Variants in CNTNAP4 observed in about 807,000 individuals in gnomAD.
The protein encoded by CNTNAP4 is contactin associated protein family member 4, also known as contactin-associated protein-like 4.
Under a neutral mutation model 148.4 loss-of-function variants are expected in CNTNAP4, and 98 were observed. The ratio of observed to expected loss-of-function variants is 0.66; its 90% CI spans 0.56 to 0.78. The LOEUF (loss-of-function observed/expected upper bound fraction) is 0.78. CNTNAP4 is among the 30% of genes least tolerant of loss of function. CNTNAP4 has a pLI of 0.00. For missense variants in CNTNAP4, 1,935 were observed against 1,565.6 expected (o/e 1.24, Z -3.98); for synonymous variants, 730 against 565.1 (o/e 1.29, Z -4.14).
At chr16:76,535,850 CT>C in intron 18 of CNTNAP4, 66 bp downstream of exon 18, 3 of 1,513,420 alleles carry the variant, frequency 2.0e-6, no homozygotes, top group Non-Finnish European at 2.7e-6. Context: ...TCTGGCAGTT[CT>C]TTTCTATGCA....
chr16:76,487,541 T>G (rs1017461813), intron 12 of CNTNAP4, among the ~76,000 whole-genome samples: 2 of 152,174 alleles, frequency 1.3e-5, no homozygotes, highest in African/African-American at 2.4e-5. Flanking sequence ...AGGCTCTAAT[T>G]TGAGACTTTT....
At chr16:76,446,920 C>T (rs1028070033) in intron 4 of CNTNAP4, among the ~76,000 whole-genome samples, 2 of 152,092 alleles carry the variant, frequency 1.3e-5, no homozygotes, top group Non-Finnish European at 2.9e-5. Flanking sequence ...CCAAGAACTC[C>T]ATTAAAAAAC....
At chr16:76,533,623 A>G (rs2084083751) in intron 17 of CNTNAP4, among the ~76,000 whole-genome samples, 1 of 152,148 alleles carries the variant, frequency 6.6e-6, no homozygotes, top group African/African-American at 2.4e-5. Flanking sequence ...AATTTTTACA[A>G]CAGAACAACA....
chr16:76,443,983 C>T (rs536882335), intron 4 of CNTNAP4, among the ~76,000 whole-genome samples: 17 of 152,078 alleles, frequency 1.1e-4, no homozygotes, highest in African/African-American at 4.1e-4. Flanking sequence ...ATTTTCAAAA[C>T]ATAAAAACAT....
At chr16:76,382,794 A>G (rs2016119265) in intron 3 of CNTNAP4, among the ~76,000 whole-genome samples, 1 of 152,170 alleles carries the variant, frequency 6.6e-6, no homozygotes, top group Admixed American at 6.5e-5. Flanking sequence ...TCCTTGCAGT[A>G]AAAGACTGGA....
chr16:76,433,788 C>T (rs1395832523), intron 4 of CNTNAP4, among the ~76,000 whole-genome samples: 3 of 152,152 alleles, frequency 2.0e-5, no homozygotes, highest in African/African-American at 7.2e-5. Context: ...ATGCTAACTG[C>T]TAAAAGCTGG....
intron 10 of CNTNAP4, among the ~76,000 whole-genome samples, chr16:76,469,854 G>A (rs1264391566): frequency 6.6e-6 from 1 of 152,090 alleles, no homozygotes; most frequent in African/African-American, 2.4e-5. Context: ...AGTAACATTT[G>A]CATACTTTTT....
intron 1 of CNTNAP4, among the ~76,000 whole-genome samples, chr16:76,295,475 A>T (rs1959214539): frequency 2.0e-5 from 3 of 152,176 alleles, no homozygotes; most frequent in Non-Finnish European, 4.4e-5. Context: ...CAGGAGGGTG[A>T]AGGATGGGAA....
intron 2 of CNTNAP4, among the ~76,000 whole-genome samples, chr16:76,351,683 C>T (rs1204512860): frequency 1.3e-5 from 2 of 152,068 alleles, no homozygotes; most frequent in Non-Finnish European, 2.9e-5. Flanking sequence ...ACCTTTTCAC[C>T]CCAGGTAAGG....
At chr16:76,459,403 C>G (rs543287312) in intron 8 of CNTNAP4, among the ~76,000 whole-genome samples, 85 of 152,058 alleles carry the variant, frequency 5.6e-4, no homozygotes, top group African/African-American at 2.0e-3. Flanking sequence ...CAGGCCTTTC[C>G]TATTATCTTA....
chr16:76,313,573 G>C (rs541604442), intron 1 of CNTNAP4, among the ~76,000 whole-genome samples: 1 of 152,210 alleles, frequency 6.6e-6, no homozygotes, highest in African/African-American at 2.4e-5. Context: ...CAACTGGATT[G>C]GCTGGCTTTA....
Position 76,385,680 on chromosome 16 carries a change from C to T in CNTNAP4, c.390+30169C>T, listed in dbSNP as rs114546286. Among the ~76,000 whole-genome samples, 276 of 151,998 alleles carry T rather than the reference C, an allele frequency of 1.8e-3. 1 individual carries two copies. Among genetic ancestry groups the T allele is most frequent in the African/African-American group, 5.8e-3 (239 of 41,468 alleles). On this transcript the variant is annotated intron_variant, in intron 3 of 23. Transcript: ENST00000611870. The stretch of plus-strand genomic sequence containing the variant: ...GTGGGTAAATACACAATTAGAGTCC[C>T]GTGAGCCTCTGACTGCAATATTTTT...
intron 2 of CNTNAP4, among the ~76,000 whole-genome samples, chr16:76,332,812 G>C (rs996163348): frequency 1.3e-5 from 2 of 151,986 alleles, no homozygotes; most frequent in African/African-American, 4.8e-5. Flanking sequence ...TTCCACTTCA[G>C]TTCAGTTTGG....
At chr16:76,519,198 G>A (rs1446980560) in intron 15 of CNTNAP4, among the ~76,000 whole-genome samples, 1 of 151,992 alleles carries the variant, frequency 6.6e-6, no homozygotes, top group East Asian at 1.9e-4. Context: ...TCTACCTTTT[G>A]TGAACGTATA....
chr16:76,279,854 G>A (rs560660441), intron 1 of CNTNAP4, among the ~76,000 whole-genome samples: 1 of 152,140 alleles, frequency 6.6e-6, no homozygotes, highest in East Asian at 1.9e-4. Context: ...CAATATTTAA[G>A]AAGTATTTTC....
intron 9 of CNTNAP4, among the ~76,000 whole-genome samples, chr16:76,466,275 T>A (rs1246303277): frequency 6.6e-6 from 1 of 152,118 alleles, no homozygotes; most frequent in East Asian, 1.9e-4. Flanking sequence ...TAGTGGAGTT[T>A]GGGGAGAAGT....
chr16:76,457,361 T>TG (rs1239300977), intron 8 of CNTNAP4, among the ~76,000 whole-genome samples: 1 of 152,250 alleles, frequency 6.6e-6, no homozygotes, highest in African/African-American at 2.4e-5. Flanking sequence ...AAATAATGTT[T>TG]GTTACAAAGG....
At position 76,539,958 on chromosome 16, in the gene CNTNAP4, T is replaced by C. The variant is rs866660750; in HGVS notation, c.3354+106T>C. The C allele has an allele frequency of 3.8e-6, 3 of 796,412 alleles. No individual in the cohort carries two copies. In the South Asian group the frequency reaches 6.5e-5, roughly 17 times the overall value. 49.3% of individuals were successfully genotyped at this position (796,412 alleles called of 1,614,324 possible). On this transcript the variant is annotated intron_variant, in intron 20 of 23. Transcript: ENST00000611870. ...ACACAATAAGCAGAGACACTTTCAT[T>C]GGTCTTCTTCTGCAGATAATAGACC...
At chr16:76,283,625 A>G (rs1958773265) in intron 1 of CNTNAP4, among the ~76,000 whole-genome samples, 1 of 152,014 alleles carries the variant, frequency 6.6e-6, no homozygotes, top group Non-Finnish European at 1.5e-5. Flanking sequence ...ACATGGACAC[A>G]TAGAGGGAAA....
Sources: allele counts gnomAD v4.1 joint callset (sites outside exome capture counted in the v4.1 genomes callset), GRCh38; gene constraint gnomAD v4.1.1; transcripts MANE v1.5; gene names NCBI Gene and HGNC (gene_info 2026-07-23, HGNC 2026-07-21).